ARL15: variants seen among roughly 807,000 people sequenced by gnomAD.
ARL15 encodes the protein ARF like GTPase 15.
Under a neutral mutation model 25.2 loss-of-function variants are expected in ARL15, and 19 were observed. The ratio of observed to expected loss-of-function variants is 0.75; its 90% CI spans 0.53 to 1.10. The LOEUF is 1.10. Among genes scored for constraint, ARL15 ranks in the 50% least tolerant of loss-of-function variants. ARL15 has a pLI of 0.00. For synonymous variants in ARL15, 94 were observed against 86.8 expected (o/e 1.08, Z -0.46); for missense variants, 220 against 246.0 (o/e 0.89, Z 0.71).
At chr5:53,913,954 C>T (rs934204203) in intron 4 of ARL15, among the ~76,000 whole-genome samples, 11 of 152,120 alleles carry the variant, frequency 7.2e-5, no homozygotes, top group African/African-American at 2.7e-4. Flanking sequence ...TATTTATTTA[C>T]TTATAAACAG....
At chr5:54,109,031 G>A (rs1436899241) in intron 4 of ARL15, among the ~76,000 whole-genome samples, 13 of 151,974 alleles carry the variant, frequency 8.6e-5, no homozygotes, top group South Asian at 4.1e-4. Flanking sequence ...TACTTTTCTC[G>A]CATTTATATC....
At position 54,186,184 on chromosome 5, in the gene ARL15, T is replaced by C. The variant is rs185348442; in HGVS notation, c.49-14256A>G. 1.0e-3 allele frequency among the ~76,000 whole-genome samples: 156 copies of C among 152,320 alleles called. 3 individuals carry two copies. The East Asian group carries it at 0.023, about 23-fold the overall frequency. Reference sequence around the variant, plus strand: ...AGAGCAGAAGTGTCCGTAATCCCTGTACATCCTCAAATCACACTGCTTTAA... The same window carrying C: ...AGAGCAGAAGTGTCCGTAATCCCTGCACATCCTCAAATCACACTGCTTTAA... On this transcript the variant is annotated intron_variant, in intron 1 of 4. Coordinates refer to ENST00000504924, the MANE Select transcript of ARL15 (RefSeq NM_019087.3).
At chr5:54,133,680 G>C (rs367608302) in intron 3 of ARL15, among the ~76,000 whole-genome samples, 1 of 152,046 alleles carries the variant, frequency 6.6e-6, no homozygotes, top group African/African-American at 2.4e-5. Flanking sequence ...CATCAAAGAA[G>C]AAATGGTTAC....
chr5:54,185,075 G>A (rs1404027995), intron 1 of ARL15, among the ~76,000 whole-genome samples: 1 of 152,120 alleles, frequency 6.6e-6, no homozygotes, highest in East Asian at 1.9e-4. Flanking sequence ...TTGTTATGGG[G>A]ACCACAGGAA....
intron 4 of ARL15, among the ~76,000 whole-genome samples, chr5:54,026,548 G>A (rs1289495801): frequency 2.6e-5 from 4 of 152,196 alleles, no homozygotes; most frequent in Non-Finnish European, 5.9e-5. Context: ...GGAATTACAG[G>A]TGTGAGCCAG....
At chr5:54,099,013 G>A (rs1030734103) in intron 4 of ARL15, among the ~76,000 whole-genome samples, 10 of 152,100 alleles carry the variant, frequency 6.6e-5, no homozygotes, top group Non-Finnish European at 1.2e-4. Flanking sequence ...CCTTCAAAGA[G>A]GGGAAACAAC....
chr5:54,160,795 G>A (rs137951541), intron 2 of ARL15, among the ~76,000 whole-genome samples: 19 of 152,196 alleles, frequency 1.2e-4, no homozygotes, highest in East Asian at 3.9e-4. Context: ...AGACATTCTC[G>A]CCTTGCTGAA....
At chr5:54,004,810 A>AG (rs1206768712) in intron 4 of ARL15, among the ~76,000 whole-genome samples, 4 of 151,540 alleles carry the variant, frequency 2.6e-5, no homozygotes, top group African/African-American at 9.7e-5. Flanking sequence ...TGTGTGTGTA[A>AG]GAGGGGTTAT....
At chr5:54,277,450 C>T (rs529578692) in intron 1 of ARL15, among the ~76,000 whole-genome samples, 4 of 152,242 alleles carry the variant, frequency 2.6e-5, no homozygotes, top group Admixed American at 6.5e-5. Context: ...GCTAGTAAAA[C>T]GCGTTCAATA....
chr5:54,223,160 T>A (rs1162486223), intron 1 of ARL15, among the ~76,000 whole-genome samples: 1 of 151,768 alleles, frequency 6.6e-6, no homozygotes, highest in African/African-American at 2.4e-5. Flanking sequence ...CATGGAAGGG[T>A]AAATGTCCTC....
At chr5:53,923,651 A>G (rs1745924463) in intron 4 of ARL15, among the ~76,000 whole-genome samples, 1 of 152,184 alleles carries the variant, frequency 6.6e-6, no homozygotes, top group Non-Finnish European at 1.5e-5. Flanking sequence ...TAAAAATCTC[A>G]TAATATTTAA....
intron 2 of ARL15, among the ~76,000 whole-genome samples, chr5:54,156,855 C>T (rs1041699876): frequency 6.6e-6 from 1 of 152,158 alleles, no homozygotes; most frequent in African/African-American, 2.4e-5. Flanking sequence ...CTGGCATGTA[C>T]CTGAGCCTGC....
At position 53,929,429 on chromosome 5, in the gene ARL15, G is replaced by A. The variant is rs570587879; in HGVS notation, c.463-42716C>T. Reference sequence around the variant, plus strand: ...TTGTGTGTCCTTTACACTACCCCAAGATTGTTATTTAAAGATGAGCATAGT... The same window carrying A: ...TTGTGTGTCCTTTACACTACCCCAAAATTGTTATTTAAAGATGAGCATAGT... On this transcript the variant is annotated intron_variant, in intron 4 of 4. Transcript: ENST00000504924. Among the ~76,000 whole-genome samples the A allele has an allele frequency of 5.9e-5, 9 of 152,266 alleles. No individual in the cohort carries two copies. In the South Asian group the frequency reaches 1.9e-3, roughly 32 times the overall value.
intron 3 of ARL15, among the ~76,000 whole-genome samples, chr5:54,152,892 T>G (rs974501419): frequency 6.6e-6 from 1 of 152,244 alleles, no homozygotes; most frequent in African/African-American, 2.4e-5. Flanking sequence ...TTCATTGTAC[T>G]GAATTTTGAT....
chr5:54,161,988 C>T (rs1326672688), intron 2 of ARL15, among the ~76,000 whole-genome samples: 2 of 93,248 alleles, frequency 2.1e-5, no homozygotes, highest in African/African-American at 9.8e-5. Context: ...TCTTTACTTA[C>T]ACACACACAT....
At chr5:54,045,255 G>C (rs939182499) in intron 4 of ARL15, among the ~76,000 whole-genome samples, 19 of 152,072 alleles carry the variant, frequency 1.2e-4, no homozygotes, top group African/African-American at 3.9e-4. Context: ...GCCACCATTT[G>C]TTCTAAGTAT....
At chr5:53,959,062 C>CTACATACATAACA (rs1747269399) in intron 4 of ARL15, among the ~76,000 whole-genome samples, 1 of 152,076 alleles carries the variant, frequency 6.6e-6, no homozygotes, top group Non-Finnish European at 1.5e-5. Flanking sequence ...CCAATTAGAC[C>CTACATACATAACA]TAACAGACAT....
chr5:54,092,392 A>T lies in ARL15; in HGVS notation c.462+20810T>A, dbSNP rs370506395. Among the ~76,000 whole-genome samples the T allele has an allele frequency of 9.2e-5, 14 of 151,968 alleles. 1 individual carries two copies. The East Asian group carries it at 2.5e-3, about 27-fold the overall frequency. On this transcript the variant is annotated intron_variant, in intron 4 of 4. Coordinates refer to ENST00000504924, the MANE Select transcript of ARL15 (RefSeq NM_019087.3). ...AAATGGATGGGTGAAACAAGCACAT[A>T]CCTATAGTTCTTAGACAAATTCCTA...
chr5:54,210,723 C>T (rs1756016564), intron 1 of ARL15, among the ~76,000 whole-genome samples: 1 of 152,176 alleles, frequency 6.6e-6, no homozygotes, highest in Non-Finnish European at 1.5e-5. Flanking sequence ...GACTAATCCT[C>T]AAGTAGGTTC....
Sources: allele counts gnomAD v4.1 joint callset (sites outside exome capture counted in the v4.1 genomes callset), GRCh38; gene constraint gnomAD v4.1.1; transcripts MANE v1.5; gene names NCBI Gene and HGNC (gene_info 2026-07-23, HGNC 2026-07-21).